The following DNAH17 variants were observed in gnomAD, a reference collection of about 807,000 sequenced individuals.
DNAH17 encodes the protein dynein axonemal heavy chain 17.
Under a neutral mutation model 485.6 loss-of-function variants are expected in DNAH17, and 376 were observed. That is an observed-to-expected ratio of 0.77 (90% CI 0.71 to 0.84). The LOEUF (loss-of-function observed/expected upper bound fraction) is 0.84, where lower values mean the gene tolerates loss of function less well. Ranked by LOEUF, DNAH17 falls within the 40% of genes least tolerant of loss-of-function variation. The pLI is 0.00. For synonymous variants in DNAH17, 3,031 were observed against 2,405.9 expected (o/e 1.26, Z -7.60); for missense variants, 6,370 against 5,839.3 (o/e 1.09, Z -2.96).
At chr17:78,564,320 G>A (rs1254195201) in intron 11 of DNAH17, among the ~76,000 whole-genome samples, 4 of 152,200 alleles carry the variant, frequency 2.6e-5, no homozygotes. Flanking sequence ...GGGACAGCAA[G>A]ACTCTGGGGA....
At chr17:78,426,371 T>C in intron 79 of DNAH17, 86 bp downstream of exon 79, 1 of 1,427,138 alleles carries the variant, frequency 7.0e-7, no homozygotes. Flanking sequence ...GCCATGCTCC[T>C]GCAGGCTCTA....
chr17:78,485,837 C>T (rs1195805198), intron 46 of DNAH17, 80 bp from the exon 47 acceptor site: 5 of 1,571,198 alleles, frequency 3.2e-6, no homozygotes, highest in Non-Finnish European at 4.3e-6. Context: ...CCATGTTCTA[C>T]CGAACAGGTC....
At position 78,486,445 on chromosome 17, in the gene DNAH17, G is replaced by C; in HGVS notation, c.6880C>G (p.Leu2294Val). 6.2e-7 allele frequency: 1 copy of C among 1,613,582 alleles called. No homozygotes were observed. Among genetic ancestry groups the C allele is most frequent in the Non-Finnish European group, 8.5e-7 (1 of 1,179,864 alleles). ...VQSEKANLMILFDKYLPTCLD... is the reference protein window; with the variant it reads ...VQSEKANLMIVFDKYLPTCLD... ...CACGTGGGCAGGTACTTGTCAAAGA[G>C]GATCATCAGGTTGGCCTTCTCCGAC... Residue 2294 changes from leucine (L) to valine (V), a missense_variant, in exon 45 of 81, where the codon CTC becomes GTC. Transcript: ENST00000389840.
chr17:78,561,526 GA>G (rs2092153652), intron 12 of DNAH17, among the ~76,000 whole-genome samples, 188 bp downstream of exon 12: 7 of 152,084 alleles, frequency 4.6e-5, no homozygotes, highest in Non-Finnish European at 1.0e-4. Flanking sequence ...GATTTCTCCT[GA>G]GCACTCCCAC....
chr17:78,543,758 T>C (rs760905989), intron 17 of DNAH17, 99 bp downstream of exon 17: 1 of 1,546,248 alleles, frequency 6.5e-7, no homozygotes, highest in Admixed American at 1.7e-5. Context: ...AAGAAATGTG[T>C]CACTAATCAT....
intron 14 of DNAH17, among the ~76,000 whole-genome samples, chr17:78,556,663 G>A (rs904367080): frequency 2.0e-5 from 3 of 152,130 alleles, no homozygotes; most frequent in South Asian, 2.1e-4. Flanking sequence ...ACTGCCCGCT[G>A]AGCCCCACAG....
At position 78,560,945 on chromosome 17, in the gene DNAH17, G is replaced by T. The variant is rs368146556; in HGVS notation, c.1836-10C>A. ...TGCTCCAGACATGACCCTGGAATCA[G>T]AGCGGGAAGGCGAGGCCCCACTGGA... On this transcript the variant is annotated splice_polypyrimidine_tract_variant and intron_variant, in intron 12 of 80. Transcript: ENST00000389840. 2 of 1,544,752 alleles carry T rather than the reference G, an allele frequency of 1.3e-6. No homozygotes were observed. Among genetic ancestry groups the T allele is most frequent in the Non-Finnish European group, 8.7e-7 (1 of 1,145,248 alleles).
At position 78,450,895 on chromosome 17, in the gene DNAH17, G is replaced by A. The variant is rs148670434; in HGVS notation, c.10735-49C>T. The A allele has an allele frequency of 6.8e-4, 1,090 of 1,595,760 alleles. 11 individuals carry two copies. In the African/African-American group the frequency reaches 0.013, roughly 19 times the overall value. ...ACTGCATTGCCTGGCTCTGTCCACCGGGCACCCGGGCCTCCCTCAGGTGGC... is the reference window on the plus strand; with the variant it reads ...ACTGCATTGCCTGGCTCTGTCCACCAGGCACCCGGGCCTCCCTCAGGTGGC... On this transcript the variant is annotated intron_variant, in intron 66 of 80. Coordinates refer to ENST00000389840, the MANE Select transcript of DNAH17 (RefSeq NM_173628.4).
chr17:78,437,467 C>T (rs939296152), intron 74 of DNAH17, among the ~76,000 whole-genome samples, 174 bp downstream of exon 74: 1 of 152,226 alleles, frequency 6.6e-6, no homozygotes, highest in Non-Finnish European at 1.5e-5. Context: ...TTGCATTTTT[C>T]CGTCTTTTAG....
intron 58 of DNAH17, among the ~76,000 whole-genome samples, chr17:78,461,249 C>T (rs552175624): frequency 2.0e-5 from 3 of 152,290 alleles, no homozygotes; most frequent in East Asian, 1.9e-4. Flanking sequence ...AGCTGGAGCC[C>T]GAGAGCCTGC....
rs770718492 is a variant in DNAH17, at chr17:78,571,761, G to A, written c.561C>T (p.Asn187=). 1 of 1,599,546 alleles carries A rather than the reference G, an allele frequency of 6.3e-7. No homozygotes were observed. Among genetic ancestry groups the A allele is most frequent in the East Asian group, 2.2e-5 (1 of 44,824 alleles). Residue 187 remains asparagine, a synonymous_variant, in exon 4 of 81, where the codon AAC becomes AAT. Coordinates refer to ENST00000389840, the MANE Select transcript of DNAH17 (RefSeq NM_173628.4). ...TGGTTTCAATGGCGTGCAGGAGCAA[G>A]TTGTCCAGTGAAGAGGGGATCCTGC... ...SMERIPSSLD[N]LLLHAIETTI...
At chr17:78,463,433 T>G (rs926880029) in intron 56 of DNAH17, among the ~76,000 whole-genome samples, 1 of 149,674 alleles carries the variant, frequency 6.7e-6, no homozygotes, top group Non-Finnish European at 1.5e-5. Context: ...TATATACACG[T>G]GCATACGCAT....
At position 78,507,469 on chromosome 17, in the gene DNAH17, G is replaced by T. The variant is rs556637177; in HGVS notation, c.4573C>A (p.Gln1525Lys). Residue 1525 changes from glutamine to lysine, a missense_variant, in exon 28 of 81, where the codon CAG becomes AAG. Physicochemically the swap from Gln to Lys is moderately conservative, Grantham distance 53. Coordinates refer to ENST00000389840, the MANE Select transcript of DNAH17 (RefSeq NM_173628.4). Reference sequence around the variant, plus strand: ...CGGGCTGTGCTCACCTTGAATTCCTGGTTGATGTCGTCAAAGCGCTGGGAG... The same window carrying T: ...CGGGCTGTGCTCACCTTGAATTCCTTGTTGATGTCGTCAAAGCGCTGGGAG... ...GDSQRFDDIN[Q>K]EFKALMEDAV... 1.9e-6 allele frequency: 3 copies of T among 1,612,260 alleles called. No individual in the cohort carries two copies. The highest frequency in any genetic ancestry group is 2.7e-5 in the African/African-American group (2 of 75,040).
rs1378049438 is a variant in DNAH17 at position 78,574,979 on chromosome 17, A to T, written c.79T>A (p.Trp27Arg). 2 of 1,613,916 alleles carry T rather than the reference A, an allele frequency of 1.2e-6. No homozygotes were observed. The highest frequency in any genetic ancestry group is 1.7e-6 in the Non-Finnish European group (2 of 1,179,878). The change falls in exon 2 of 81, where the codon TGG becomes AGG. Residue 27 changes from tryptophan (W) to arginine (R), a missense_variant. Trp to Arg is a moderately radical substitution (Grantham distance 101). Coordinates refer to ENST00000389840, the MANE Select transcript of DNAH17 (RefSeq NM_173628.4). Reference protein sequence around the residue: ...SIVLKFKPDKWSKLIGAEENV... With the variant: ...SIVLKFKPDKRSKLIGAEENV... ...TCCTCGGCGCCTATCAGCTTGCTCC[A>T]CTTGTCCGGCTTGAACTTCAGGACG...
At chr17:78,448,145 C>A (rs908550386) in intron 69 of DNAH17, among the ~76,000 whole-genome samples, 2 of 151,524 alleles carry the variant, frequency 1.3e-5, no homozygotes, top group South Asian at 4.2e-4. Context: ...GCACCCCAGC[C>A]CGGGCAACAA....
chr17:78,576,078 G>A (rs948628752), intron 1 of DNAH17, among the ~76,000 whole-genome samples: 6 of 152,178 alleles, frequency 3.9e-5, no homozygotes, highest in African/African-American at 9.7e-5. Context: ...CTGGGGGTCC[G>A]TGGGCTGGGG....
At chr17:78,555,562 A>G (rs2143600284) in intron 14 of DNAH17, among the ~76,000 whole-genome samples, 1 of 151,554 alleles carries the variant, frequency 6.6e-6, no homozygotes, top group Non-Finnish European at 1.5e-5. Flanking sequence ...AAAAAAAAAA[A>G]AAAAGAGGCA....
Position 78,428,706 on chromosome 17 carries a change from C to A in DNAH17, c.12407G>T (p.Gly4136Val), listed in dbSNP as rs1439241275. The change falls in exon 77 of 81, where the codon GGT (glycine) becomes GTT (valine). Residue 4136 changes from glycine (G) to valine (V), a missense_variant and splice_region_variant. Physicochemically the swap from Gly to Val is moderately radical, Grantham distance 109 (BLOSUM62 -3). Transcript: ENST00000389840. Reference protein sequence around the residue: ...FQIPPNLDYKGYHEYIDENLP... With the variant: ...FQIPPNLDYKVYHEYIDENLP... Reference sequence around the variant, plus strand: ...GTTCTCATCGATGTATTCGTGGTAACCCTGAAAAAGAGGGCAGTTTGTAAG... The same window carrying A: ...GTTCTCATCGATGTATTCGTGGTAAACCTGAAAAAGAGGGCAGTTTGTAAG... 16 of 1,612,984 alleles carry A rather than the reference C, an allele frequency of 9.9e-6. No homozygotes were observed. Among genetic ancestry groups the A allele is most frequent in the Non-Finnish European group, 1.3e-5 (15 of 1,179,266 alleles).
intron 34 of DNAH17, 103 bp downstream of exon 34, chr17:78,501,639 C>A (rs2090294077): frequency 1.3e-6 from 2 of 1,481,638 alleles, no homozygotes; most frequent in East Asian, 4.6e-5. Context: ...GAGTCAGTGC[C>A]CCAGGAAGAG....
Sources: allele counts gnomAD v4.1 joint callset (sites outside exome capture counted in the v4.1 genomes callset), GRCh38; gene constraint gnomAD v4.1.1; transcripts MANE v1.5; gene names NCBI Gene and HGNC (gene_info 2026-07-23, HGNC 2026-07-21).